NF1: variants seen among roughly 807,000 people sequenced by gnomAD.
The protein encoded by NF1 is neurofibromin.
A neutral mutation model predicts 325.7 loss-of-function variants in NF1; 122 were observed. That is an observed-to-expected ratio of 0.37 (90% CI 0.32 to 0.44). The LOEUF (loss-of-function observed/expected upper bound fraction) is 0.44, where lower values mean the gene tolerates loss of function less well. NF1 is among the 20% of genes least tolerant of loss of function. The probability of loss-of-function intolerance (pLI) is 1.00; values close to 1 mark genes in which losing one functional copy is unlikely to be tolerated. For synonymous variants in NF1, 1,091 were observed against 1,186.0 expected (o/e 0.92, Z 1.65); for missense variants, 2,140 against 3,415.4 (o/e 0.63, Z 9.31).
intron 12 of NF1, among the ~76,000 whole-genome samples, chr17:31,212,940 T>A (rs924760158): frequency 1.3e-5 from 2 of 152,184 alleles, no homozygotes; most frequent in African/African-American, 4.8e-5. Context: ...TTGTCTATCA[T>A]TGACTGAAAT....
At chr17:31,184,695 A>T (rs2066206678) in intron 8 of NF1, among the ~76,000 whole-genome samples, 1 of 151,888 alleles carries the variant, frequency 6.6e-6, no homozygotes, top group South Asian at 2.1e-4. Context: ...ATAGAAAATG[A>T]TGAGCTCAGG....
intron 30 of NF1, 74 bp downstream of exon 30, chr17:31,249,193 C>A (rs2067452805): frequency 6.7e-7 from 1 of 1,500,398 alleles, no homozygotes; most frequent in Non-Finnish European, 9.3e-7. Context: ...AAAGAAGGAT[C>A]TAGCTGCTGA....
intron 36 of NF1, chr17:31,296,023 G>A (rs1199523747): frequency 1.9e-6 from 3 of 1,614,152 alleles, no homozygotes; most frequent in Non-Finnish European, 2.5e-6. Flanking sequence ...CAGCAGACAT[G>A]TTCCACAGAG....
intron 36 of NF1, among the ~76,000 whole-genome samples, chr17:31,311,798 C>T (rs2068883784): frequency 6.6e-6 from 1 of 152,146 alleles, no homozygotes; most frequent in Non-Finnish European, 1.5e-5. Context: ...AGAACCGTTT[C>T]TTTCTATCAC....
intron 12 of NF1, among the ~76,000 whole-genome samples, chr17:31,212,083 C>T (rs1401152612): frequency 6.6e-6 from 1 of 152,010 alleles, no homozygotes; most frequent in Admixed American, 6.6e-5. Context: ...CTTTGTATAG[C>T]TAGCTGTATA....
At chr17:31,119,051 C>T (rs189169699) in intron 1 of NF1, among the ~76,000 whole-genome samples, 17 of 152,046 alleles carry the variant, frequency 1.1e-4, no homozygotes, top group Admixed American at 7.9e-4. Context: ...AAGTAATTCT[C>T]CTGCCTCAGC....
chr17:31,362,034 G>A lies in NF1; in HGVS notation c.8377+1331G>A, dbSNP rs1246658211. Among the ~76,000 whole-genome samples the A allele has an allele frequency of 2.0e-5, 3 of 152,056 alleles. No homozygotes were observed. The East Asian group carries it at 5.8e-4, about 29-fold the overall frequency. The stretch of plus-strand genomic sequence containing the variant: ...ACTCTCTAGTACAGTGTTTCTCCAC[G>A]TGTGATCCCAGACCAGCAGCATCAT... On this transcript the variant is annotated intron_variant, in intron 57 of 57. Transcript: ENST00000358273.
intron 11 of NF1, 46 bp from the exon 12 acceptor site, chr17:31,206,194 C>T (rs377165136): frequency 1.6e-5 from 26 of 1,608,816 alleles, no homozygotes; most frequent in East Asian, 1.3e-4. Flanking sequence ...ATACAACTCA[C>T]GTAATTTTGT....
At chr17:31,299,658 G>T (rs1385254780) in intron 36 of NF1, 1 of 152,040 alleles carries the variant, frequency 6.6e-6, no homozygotes, top group African/African-American at 2.4e-5. Flanking sequence ...TGGTAATATG[G>T]TTGGCTATTT....
At position 31,156,022 on chromosome 17, in the gene NF1, G is replaced by A. The variant is rs772995929; in HGVS notation, c.100G>A (p.Val34Ile). ...AGGACAGCAGAACACACATACCAAA[G>A]TCAGTACTGAGCACAACAAGGAATG... ...KTGQQNTHTK[V>I]STEHNKECLI... The change falls in exon 2 of 58, where the codon GTC becomes ATC. Residue 34 changes from valine (V) to isoleucine (I), a missense_variant. By Grantham distance (29) the Val-to-Ile change is conservative (BLOSUM62 3). Transcript: ENST00000358273. 9 of 1,612,626 alleles carry A rather than the reference G, an allele frequency of 5.6e-6. No homozygotes were observed. In the Admixed American group the frequency reaches 1.2e-4, roughly 21 times the overall value.
intron 12 of NF1, among the ~76,000 whole-genome samples, chr17:31,208,266 A>G (rs2066659121): frequency 6.6e-6 from 1 of 152,188 alleles, no homozygotes; most frequent in Non-Finnish European, 1.5e-5. Flanking sequence ...ATGTTTTTGA[A>G]ATGTTATATG....
chr17:31,257,122 C>G (rs1004233110), intron 31 of NF1, among the ~76,000 whole-genome samples: 2 of 152,036 alleles, frequency 1.3e-5, no homozygotes, highest in Non-Finnish European at 2.9e-5. Flanking sequence ...TCATAATTTC[C>G]TGTCATAAAT....
At position 31,170,009 on chromosome 17, in the gene NF1, T is replaced by C. The variant is rs374227010; in HGVS notation, c.586+12T>C. The C allele has an allele frequency of 2.6e-6, 4 of 1,545,772 alleles. No homozygotes were observed. Among genetic ancestry groups the C allele is most frequent in the Non-Finnish European group, 3.6e-6 (4 of 1,119,418 alleles). On this transcript the variant is annotated intron_variant, in intron 5 of 57. Coordinates refer to ENST00000358273, the MANE Select transcript of NF1 (RefSeq NM_001042492.3). ...ACGACTCCTGAAGGGTAAGTTTAAA[T>C]GTATAATATATCTGAAAAAAATCAC...
rs370454753 is a variant in NF1, at chr17:31,223,528, A to G, written c.1806A>G (p.Glu602=). 58 of 1,612,792 alleles carry G rather than the reference A, an allele frequency of 3.6e-5. No homozygotes were observed. Among genetic ancestry groups the G allele is most frequent in the Non-Finnish European group, 4.6e-5 (54 of 1,179,088 alleles). ...CAGAAATTCTCAAGTGGTTGCGGGA[A>G]ATATTGATCTGCAGGAATAAATTTC... ...SSTEILKWLR[E]ILICRNKFLL... Residue 602 remains glutamate, a synonymous_variant, in exon 16 of 58, where the codon GAA becomes GAG. Transcript: ENST00000358273.
chr17:31,322,405 G>A (rs1010545242), intron 36 of NF1, among the ~76,000 whole-genome samples: 4 of 145,918 alleles, frequency 2.7e-5, no homozygotes, highest in East Asian at 2.1e-4. Flanking sequence ...GCTTGAACCC[G>A]GGACGTGGAG....
At chr17:31,373,970 G>A (rs1339840766) in intron 57 of NF1, 43 bp from the exon 58 acceptor site, 1 of 1,613,266 alleles carries the variant, frequency 6.2e-7, no homozygotes, top group Non-Finnish European at 8.5e-7. Context: ...ATTCAGTCCT[G>A]GAAGGAAAAG....
In NF1 at chr17:31,119,915, G is replaced by T. The variant is rs549869253; in HGVS notation, c.60+24546G>T. Reference sequence around the variant, plus strand: ...TGTCAGGTTTGTCAAAGATCAGATGGTTATAGATGTGTGGTGTTATTTCTG... The same window carrying T: ...TGTCAGGTTTGTCAAAGATCAGATGTTTATAGATGTGTGGTGTTATTTCTG... On this transcript the variant is annotated intron_variant, in intron 1 of 57. Coordinates refer to ENST00000358273, the MANE Select transcript of NF1 (RefSeq NM_001042492.3). 5.9e-5 allele frequency among the ~76,000 whole-genome samples: 9 copies of T among 152,282 alleles called. No homozygotes were observed. In the East Asian group the frequency reaches 1.7e-3, roughly 29 times the overall value.
intron 20 of NF1, 107 bp from the exon 21 acceptor site, chr17:31,228,918 C>T (rs1405057945): frequency 2.6e-5 from 22 of 845,990 alleles, no homozygotes; most frequent in South Asian, 2.5e-4. Flanking sequence ...GTATATTTTA[C>T]ATTTTTTGTA....
At chr17:31,245,131 T>A (rs190777734) in intron 29 of NF1, among the ~76,000 whole-genome samples, 14 of 152,134 alleles carry the variant, frequency 9.2e-5, no homozygotes, top group Non-Finnish European at 1.9e-4. Context: ...AAAAAAAAAA[T>A]TTCACAAAGT....
Sources: allele counts gnomAD v4.1 joint callset (sites outside exome capture counted in the v4.1 genomes callset), GRCh38; gene constraint gnomAD v4.1.1; transcripts MANE v1.5; gene names NCBI Gene and HGNC (gene_info 2026-07-23, HGNC 2026-07-21).